The following COL1A1 variants were observed in gnomAD, a reference collection of about 807,000 sequenced individuals.
COL1A1 encodes collagen alpha-1(I) chain.
COL1A1 carries 21 observed loss-of-function variants against 195.7 expected under a neutral mutation model. That is an observed-to-expected ratio of 0.11 (90% CI 0.08 to 0.15). The LOEUF is 0.15. Ranked by LOEUF, COL1A1 falls within the 10% of genes least tolerant of loss-of-function variation. The pLI, the probability that COL1A1 is intolerant of heterozygous loss-of-function variation, is 1.00. For synonymous variants in COL1A1, 749 were observed against 747.3 expected (o/e 1.00, Z -0.04); for missense variants, 1,365 against 2,051.0 (o/e 0.67, Z 6.46).
intron 50 of COL1A1, 48 bp downstream of exon 50, chr17:50,185,730 C>T: frequency 6.2e-7 from 1 of 1,611,968 alleles, no homozygotes; most frequent in Non-Finnish European, 8.5e-7. Context: ...GGCCAAAAAG[C>T]CCAAGGCCGG....
chr17:50,197,159 C>T (rs1479400607), intron 10 of COL1A1, 21 bp downstream of exon 10: 3 of 1,613,894 alleles, frequency 1.9e-6, no homozygotes, highest in South Asian at 1.1e-5. Flanking sequence ...AGCCCAGGTT[C>T]AGCCACAGCC....
chr17:50,190,837 C>T lies in COL1A1; in HGVS notation c.2323G>A (p.Ala775Thr), dbSNP rs780905804. 4 of 1,613,316 alleles carry T rather than the reference C, an allele frequency of 2.5e-6. No individual in the cohort carries two copies. The change falls in exon 33 of 51, where the codon GCT becomes ACT. Residue 775 changes from alanine to threonine, a missense_variant. Physicochemically the swap from Ala to Thr is moderately conservative, Grantham distance 58 (BLOSUM62 0). Coordinates refer to ENST00000225964, the MANE Select transcript of COL1A1 (RefSeq NM_000088.4). This position sits in a 1 kb window ranked among gnomAD's most constrained non-coding sequence, Gnocchi z 4.7. ...LTGPIGPPGP[A>T]GAPGDKGESG... ...CTCACCTTGTCACCAGGGGCACCAG[C>T]AGGGCCAGGAGGACCAATGGGGCCA...
At position 50,201,415 on chromosome 17, in the gene COL1A1, T is replaced by C. The variant is rs1216449433; in HGVS notation, c.99A>G (p.Glu33=). The C allele has an allele frequency of 6.2e-7, 1 of 1,613,858 alleles. No individual in the cohort carries two copies. Among genetic ancestry groups the C allele is most frequent in the Admixed American group, 1.7e-5 (1 of 60,032 alleles). Reference sequence around the variant, plus strand: ...TCCCAAAAGTTTGGGACTTACTGTCTTCGTCTTGGCCCTCGACTTGGCCTT... The same window carrying C: ...TCCCAAAAGTTTGGGACTTACTGTCCTCGTCTTGGCCCTCGACTTGGCCTT... The part of the protein sequence containing the change: ...QEEGQVEGQD[E]DIPPITCVQN... The change falls in exon 1 of 51, where the codon GAA becomes GAG. Residue 33 remains glutamate, a synonymous_variant. Transcript: ENST00000225964.
At position 50,186,587 on chromosome 17, in the gene COL1A1, G is replaced by A. The variant is rs923683427; in HGVS notation, c.3814+53C>T. 4.6e-5 allele frequency: 75 copies of A among 1,613,512 alleles called. No homozygotes were observed. Among genetic ancestry groups the A allele is most frequent in the Non-Finnish European group, 6.0e-5 (71 of 1,179,878 alleles). On this transcript the variant is annotated intron_variant, in intron 48 of 50. Transcript: ENST00000225964. The surrounding 1 kb of genome is among the most constrained non-coding windows in gnomAD (Gnocchi z 5.3). ...TGGTAGGGGCACATATGGGCATGGGGACCCTGGCATGGCAGGAGTAGGAGG... is the reference window on the plus strand; with the variant it reads ...TGGTAGGGGCACATATGGGCATGGGAACCCTGGCATGGCAGGAGTAGGAGG...
chr17:50,200,204 C>T lies in COL1A1; in HGVS notation c.104-257G>A, dbSNP rs752901862. On this transcript the variant is annotated intron_variant, in intron 1 of 50. Transcript: ENST00000225964. ...AGCTTTAGTCCGCGGTGGCTTCCAA[C>T]TCCAACCTCAGCCCATTGGCGCTGA... The T allele has an allele frequency of 1.6e-4, 87 of 548,334 alleles. 1 individual carries two copies. In the South Asian group the frequency reaches 1.6e-3, roughly 10 times the overall value. The allele number at this position is 548,334 out of a possible 1,614,324, so 34.0% of individuals were successfully genotyped here.
In COL1A1 at chr17:50,187,957, C is replaced by G. The variant is rs1486305138; in HGVS notation, c.3288G>C (p.Lys1096Asn). Residue 1096 changes from lysine to asparagine, a missense_variant, in exon 45 of 51, where the codon AAG becomes AAC. Coordinates refer to ENST00000225964, the MANE Select transcript of COL1A1 (RefSeq NM_000088.4). ...TGTCGCCCTGTTCGCCTGTCTCACC[C>G]TTGTCACCACGGGGGCCTTGGGGTC... Reference protein sequence around the residue: ...PAGPQGPRGDKGETGEQGDRG... With the variant: ...PAGPQGPRGDNGETGEQGDRG... The G allele has an allele frequency of 6.2e-7, 1 of 1,614,148 alleles. No individual in the cohort carries two copies. The highest frequency in any genetic ancestry group is 1.1e-5 in the South Asian group (1 of 91,084).
chr17:50,191,695 T>C, intron 31 of COL1A1, 93 bp downstream of exon 31: 1 of 1,400,958 alleles, frequency 7.1e-7, no homozygotes, highest in Non-Finnish European at 9.8e-7. Flanking sequence ...CCTATCTCCA[T>C]GGCTTTGGTC....
chr17:50,188,837 G>A lies in COL1A1; in HGVS notation c.3046-42C>T. On this transcript the variant is annotated intron_variant, in intron 41 of 50. Coordinates refer to ENST00000225964, the MANE Select transcript of COL1A1 (RefSeq NM_000088.4). The surrounding 1 kb of genome is among the most constrained non-coding windows in gnomAD (Gnocchi z 5.6). ...AGAGAAGTGAGAGTCAGCCGGGGAAGAGGGCTTAGGCAAGGCCACAATGGC... is the reference window on the plus strand; with the variant it reads ...AGAGAAGTGAGAGTCAGCCGGGGAAAAGGGCTTAGGCAAGGCCACAATGGC... 2 of 1,610,830 alleles carry A rather than the reference G, an allele frequency of 1.2e-6. No homozygotes were observed. The highest frequency in any genetic ancestry group is 1.7e-6 in the Non-Finnish European group (2 of 1,177,124).
intron 26 of COL1A1, 64 bp from the exon 27 acceptor site, chr17:50,192,914 C>CTG: frequency 6.2e-7 from 1 of 1,613,232 alleles, no homozygotes; most frequent in Non-Finnish European, 8.5e-7. Context: ...GGACCGTGGC[C>CTG]TCTAGCACCC....
chr17:50,194,878 T>C lies in COL1A1; in HGVS notation c.1354-50A>G. 6.4e-7 allele frequency: 1 copy of C among 1,558,574 alleles called. No homozygotes were observed. Among genetic ancestry groups the C allele is most frequent in the Non-Finnish European group, 8.8e-7 (1 of 1,141,962 alleles). ...CGGCCTGTGGTGAGGGGCCATCCTG[T>C]GCCAGCCTCAGAGCCGGCTGAGGCT... On this transcript the variant is annotated intron_variant, in intron 20 of 50. Transcript: ENST00000225964. The surrounding 1 kb of genome is among the most constrained non-coding windows in gnomAD (Gnocchi z 6.8).
chr17:50,197,999 G>A lies in COL1A1; in HGVS notation c.592C>T (p.Pro198Ser), dbSNP rs774785014. Residue 198 changes from proline (P) to serine (S), a missense_variant, in exon 8 of 51, where the codon CCC becomes TCC. By Grantham distance (74) the Pro-to-Ser change is moderately conservative. This residue lies in a region of COL1A1 where 226 missense variants were observed against 372.9 expected (regional missense o/e 0.61). Coordinates refer to ENST00000225964, the MANE Select transcript of COL1A1 (RefSeq NM_000088.4). The stretch of plus-strand genomic sequence containing the variant: ...CCAGGGGGACCTTGGAAGCCTTGGG[G>A]ACCCTTGAGAAGAAGGAAAAAGATG... Reference protein sequence around the residue: ...GLPGPPGAPGPQGFQGPPGEP... With the variant: ...GLPGPPGAPGSQGFQGPPGEP... The A allele has an allele frequency of 1.2e-6, 2 of 1,614,030 alleles. No individual in the cohort carries two copies. Among genetic ancestry groups the A allele is most frequent in the Non-Finnish European group, 8.5e-7 (1 of 1,179,956 alleles).
At chr17:50,193,299 C>T (rs1302869788) in intron 25 of COL1A1, among the ~76,000 whole-genome samples, 3 of 152,100 alleles carry the variant, frequency 2.0e-5, no homozygotes, top group Non-Finnish European at 4.4e-5. Context: ...AAAGGGCTTT[C>T]ATCTTCTCTG....
chr17:50,190,654 A>G lies in COL1A1; in HGVS notation c.2344-58T>C, dbSNP rs1906996829. 1.3e-6 allele frequency: 2 copies of G among 1,587,972 alleles called. No homozygotes were observed. Among genetic ancestry groups the G allele is most frequent in the Non-Finnish European group, 1.7e-6 (2 of 1,159,606 alleles). On this transcript the variant is annotated intron_variant, in intron 33 of 50. Transcript: ENST00000225964. The surrounding 1 kb of genome is among the most constrained non-coding windows in gnomAD (Gnocchi z 4.7). Reference sequence around the variant, plus strand: ...GGCCTCCCCTGAATACTCCTAGTAGATGACCCCAGGAGAGCCTCCCCTCCT... The same window carrying G: ...GGCCTCCCCTGAATACTCCTAGTAGGTGACCCCAGGAGAGCCTCCCCTCCT...
At chr17:50,193,779 C>T in intron 25 of COL1A1, 164 bp downstream of exon 25, 1 of 724,490 alleles carries the variant, frequency 1.4e-6, no homozygotes, top group Non-Finnish European at 2.5e-6. Context: ...CCGTGCCCCG[C>T]CGAGAAGTCT....
intron 9 of COL1A1, 22 bp from the exon 10 acceptor site, chr17:50,197,255 A>C (rs1252435879): frequency 3.7e-6 from 6 of 1,611,882 alleles, no homozygotes; most frequent in Non-Finnish European, 5.1e-6. Context: ...AGAAAAGACC[A>C]TCATGCCTCT....
chr17:50,192,141 A>G, intron 29 of COL1A1, 117 bp from the exon 30 acceptor site: 1 of 1,112,614 alleles, frequency 9.0e-7, no homozygotes, highest in African/African-American at 1.5e-5. Context: ...ACCCCTTCTC[A>G]GCACTGAATT....
At position 50,186,590 on chromosome 17, in the gene COL1A1, C is replaced by T. The variant is rs753996458; in HGVS notation, c.3814+50G>A. 6.2e-7 allele frequency: 1 copy of T among 1,613,606 alleles called. No homozygotes were observed. The highest frequency in any genetic ancestry group is 1.1e-5 in the South Asian group (1 of 91,074). On this transcript the variant is annotated intron_variant, in intron 48 of 50. Transcript: ENST00000225964. This position sits in a 1 kb window ranked among gnomAD's most constrained non-coding sequence, Gnocchi z 5.3. ...TAGGGGCACATATGGGCATGGGGAC[C>T]CTGGCATGGCAGGAGTAGGAGGGAG... is the stretch of plus-strand genomic sequence containing the variant.
Position 50,197,612 on chromosome 17 carries a change from A to C in COL1A1, c.696+120T>G, listed in dbSNP as rs1907706613. ...ATTGTTCCAGGGCAGTCCGTGCATC[A>C]GAGAGGACTTGCCCTCCTTCCTCTG... On this transcript the variant is annotated intron_variant, in intron 9 of 50. Coordinates refer to ENST00000225964, the MANE Select transcript of COL1A1 (RefSeq NM_000088.4). The C allele has an allele frequency of 4.9e-6, 4 of 817,932 alleles. No individual in the cohort carries two copies. In the South Asian group the frequency reaches 6.7e-5, roughly 14 times the overall value. 50.7% of individuals were successfully genotyped at this position (817,932 alleles called of 1,614,324 possible). A position where few individuals can be genotyped will look rare whatever the true frequency, so the allele number is the denominator to read the frequency against.
chr17:50,199,841 G>A lies in COL1A1; in HGVS notation c.210C>T (p.Cys70=). The A allele has an allele frequency of 6.2e-7, 1 of 1,614,144 alleles. No individual in the cohort carries two copies. The highest frequency in any genetic ancestry group is 1.1e-5 in the South Asian group (1 of 91,080). ...TGGTCTCGTCACAGATCACGTCATC[G>A]CACAACACCTTGCCGTTGTCGCAGA... The part of the protein sequence containing the change: ...ICVCDNGKVL[C]DDVICDETKN... The change falls in exon 2 of 51, where the codon TGC becomes TGT. Residue 70 remains cysteine, a synonymous_variant. Transcript: ENST00000225964.
Sources: allele counts gnomAD v4.1 joint callset (sites outside exome capture counted in the v4.1 genomes callset), GRCh38; gene constraint gnomAD v4.1.1; regional missense constraint gnomAD v4.1.1; non-coding constraint Gnocchi (gnomAD v3.1); transcripts MANE v1.5; gene names NCBI Gene and HGNC (gene_info 2026-07-23, HGNC 2026-07-21).